The following CA10 variants were observed in gnomAD, a reference collection of about 807,000 sequenced individuals.
CA10 encodes the protein carbonic anhydrase 10 (inactive).
Under a neutral mutation model 44.2 loss-of-function variants are expected in CA10, and 14 were observed. The ratio of observed to expected loss-of-function variants is 0.32; its 90% CI spans 0.21 to 0.50. The LOEUF (loss-of-function observed/expected upper bound fraction) is 0.50. Ranked by LOEUF, CA10 falls within the 20% of genes least tolerant of loss-of-function variation. The probability of loss-of-function intolerance (pLI) is 0.99; values close to 1 mark genes in which losing one functional copy is unlikely to be tolerated. For missense variants in CA10, 350 were observed against 409.7 expected (o/e 0.85, Z 1.26); for synonymous variants, 159 against 141.6 (o/e 1.12, Z -0.87).
At chr17:51,670,876 T>C (rs1341269532) in intron 4 of CA10, among the ~76,000 whole-genome samples, 2 of 152,154 alleles carry the variant, frequency 1.3e-5, no homozygotes, top group African/African-American at 4.8e-5. Context: ...TCACACAGTT[T>C]TTAATAGAAC....
intron 3 of CA10, among the ~76,000 whole-genome samples, chr17:51,805,494 T>A (rs1196329257): frequency 2.0e-5 from 3 of 152,194 alleles, no homozygotes; most frequent in Admixed American, 6.5e-5. Flanking sequence ...TTGGAGAACT[T>A]CCAAACTTAT....
intron 1 of CA10, among the ~76,000 whole-genome samples, chr17:52,099,316 T>C (rs1256841841): frequency 6.6e-6 from 1 of 152,072 alleles, no homozygotes; most frequent in Admixed American, 6.5e-5. Context: ...TAGAAAGGGG[T>C]TAGATCCTGC....
At chr17:51,843,783 AAG>A (rs1978378681) in intron 3 of CA10, among the ~76,000 whole-genome samples, 1 of 152,216 alleles carries the variant, frequency 6.6e-6, no homozygotes, top group Admixed American at 6.5e-5. Flanking sequence ...CTGTAGAAAG[AAG>A]AGAAAAATTC....
At chr17:51,730,394 C>G (rs969701601) in intron 4 of CA10, among the ~76,000 whole-genome samples, 1 of 152,126 alleles carries the variant, frequency 6.6e-6, no homozygotes, top group Non-Finnish European at 1.5e-5. Flanking sequence ...ATCTATTTTC[C>G]TTAGTTGGAT....
intron 1 of CA10, among the ~76,000 whole-genome samples, chr17:52,145,535 C>A (rs932375005): frequency 6.6e-6 from 1 of 152,106 alleles, no homozygotes; most frequent in African/African-American, 2.4e-5. Flanking sequence ...TTCTATCTTC[C>A]CTATAATGTA....
intron 3 of CA10, among the ~76,000 whole-genome samples, chr17:51,798,999 T>C (rs186050775): frequency 6.2e-4 from 94 of 152,112 alleles, no homozygotes; most frequent in Admixed American, 6.0e-3. Context: ...GGGGAAACAG[T>C]GGGGAGTAGC....
intron 3 of CA10, among the ~76,000 whole-genome samples, chr17:51,805,950 G>A (rs1442645026): frequency 2.0e-5 from 3 of 152,212 alleles, no homozygotes; most frequent in African/African-American, 7.2e-5. Context: ...TGCAAACAGT[G>A]TGTAGAAGAG....
chr17:51,747,301 G>C (rs948347608), intron 4 of CA10, among the ~76,000 whole-genome samples: 7 of 152,212 alleles, frequency 4.6e-5, no homozygotes, highest in African/African-American at 1.7e-4. Flanking sequence ...GCCCAGATAG[G>C]TGTAAGTAAA....
At chr17:51,830,780 A>G (rs920228254) in intron 3 of CA10, among the ~76,000 whole-genome samples, 1 of 152,176 alleles carries the variant, frequency 6.6e-6, no homozygotes, top group Non-Finnish European at 1.5e-5. Flanking sequence ...TGTGTCATCT[A>G]GTAGATATTT....
At chr17:51,944,691 A>G (rs1385046274) in intron 2 of CA10, among the ~76,000 whole-genome samples, 1 of 152,156 alleles carries the variant, frequency 6.6e-6, no homozygotes, top group East Asian at 1.9e-4. Context: ...GGACAAAAAA[A>G]TAACCAAAAT....
intron 4 of CA10, among the ~76,000 whole-genome samples, chr17:51,717,746 C>T (rs1362668622): frequency 3.1e-5 from 1 of 32,218 alleles, no homozygotes; most frequent in African/African-American, 1.0e-4. Flanking sequence ...CGTATATATA[C>T]ATGTATATAT....
chr17:52,019,658 T>C (rs1384388674), intron 2 of CA10, among the ~76,000 whole-genome samples: 1 of 152,072 alleles, frequency 6.6e-6, no homozygotes, highest in African/African-American at 2.4e-5. Flanking sequence ...TAAATACATC[T>C]ATGTGTTTGC....
intron 4 of CA10, among the ~76,000 whole-genome samples, chr17:51,707,671 A>ATGTGTGTGTGTGTGTGTGTGTGTGTG (rs3031847): frequency 3.5e-5 from 5 of 143,006 alleles, no homozygotes; most frequent in East Asian, 4.4e-4. Flanking sequence ...GTGGATGAAT[A>ATGTGTGTGTGTGTGTGTGTGTGTGTG]TGTGTGTGTG....
chr17:51,879,659 C>G (rs896643995), intron 3 of CA10, among the ~76,000 whole-genome samples: 1 of 152,186 alleles, frequency 6.6e-6, no homozygotes, highest in Non-Finnish European at 1.5e-5. Context: ...GACCAGAGAA[C>G]AGAGTGTCCC....
At chr17:52,027,483 C>G (rs1187118884) in intron 2 of CA10, among the ~76,000 whole-genome samples, 1 of 152,134 alleles carries the variant, frequency 6.6e-6, no homozygotes, top group Non-Finnish European at 1.5e-5. Context: ...GGAGTTTGAA[C>G]TATAATTATC....
chr17:51,779,295 T>C (rs950333692), intron 3 of CA10, among the ~76,000 whole-genome samples: 1 of 152,176 alleles, frequency 6.6e-6, no homozygotes, highest in African/African-American at 2.4e-5. Context: ...AGTTATCAGG[T>C]TGCAGATGAA....
At chr17:52,104,351 C>T (rs944235449) in intron 1 of CA10, among the ~76,000 whole-genome samples, 1 of 152,066 alleles carries the variant, frequency 6.6e-6, no homozygotes, top group Non-Finnish European at 1.5e-5. Flanking sequence ...TACAGGTATG[C>T]GTCACCATGC....
chr17:51,710,888 G>A (rs1300829570), intron 4 of CA10, among the ~76,000 whole-genome samples: 1 of 123,766 alleles, frequency 8.1e-6, no homozygotes, highest in African/African-American at 3.0e-5. Flanking sequence ...CTAAATTTGT[G>A]TTAGATTATG....
chr17:51,826,924 T>C (rs1567852902), intron 3 of CA10, among the ~76,000 whole-genome samples: 1 of 152,108 alleles, frequency 6.6e-6, no homozygotes, highest in African/African-American at 2.4e-5. Context: ...CTCCCTGTGG[T>C]TTCTCTACAC....
Sources: gnomAD v4.1 joint callset for allele counts (sites outside exome capture counted in the v4.1 genomes callset) on GRCh38, gnomAD v4.1.1 for gene constraint, MANE v1.5 for transcripts, NCBI Gene and HGNC (gene_info 2026-07-23, HGNC 2026-07-21) for gene names.